The following TNR variants were observed in gnomAD, a reference collection of about 807,000 sequenced individuals.
TNR encodes tenascin R.
TNR carries 45 observed loss-of-function variants against 150.4 expected under a neutral mutation model. The observed-to-expected ratio is 0.30, with a 90% CI of 0.24 to 0.38. TNR has a LOEUF of 0.38. Ranked by LOEUF, TNR falls within the 10% of genes least tolerant of loss-of-function variation. The pLI, the probability that TNR is intolerant of heterozygous loss-of-function variation, is 1.00. For missense variants in TNR, 1,544 were observed against 1,759.1 expected, an observed-to-expected ratio of 0.88 and a Z score of 2.19; for synonymous variants, 687 against 678.4, an observed-to-expected ratio of 1.01 and a Z score of -0.20.
Position 175,379,657 on chromosome 1 carries a change from C to T in TNR, c.1858G>A (p.Glu620Lys), listed in dbSNP as rs776316702. 4.8e-5 allele frequency: 77 copies of T among 1,614,072 alleles called. No individual in the cohort carries two copies. The highest frequency in any genetic ancestry group is 1.6e-4 in the South Asian group (15 of 91,078). The change falls in exon 9 of 23, where the codon GAA becomes AAA. Residue 620 changes from glutamate (E) to lysine (K), a missense_variant. This residue lies in a region of TNR where 1,254 missense variants were observed against 1,329.4 expected (regional missense o/e 0.94). Coordinates refer to ENST00000367674, the MANE Select transcript of TNR (RefSeq NM_003285.3). Reference sequence around the variant, plus strand: ...TACACAACCTTGTACTCCTGAACTTCGGCTTCACTGTTATCCCACTCGAGG... The same window carrying T: ...TACACAACCTTGTACTCCTGAACTTTGGCTTCACTGTTATCCCACTCGAGG... ...LDLEWDNSEA[E>K]VQEYKVVYST...
chr1:175,382,682 A>T (rs1477372496), intron 8 of TNR, among the ~76,000 whole-genome samples: 1 of 152,178 alleles, frequency 6.6e-6, no homozygotes, highest in African/African-American at 2.4e-5. Context: ...CGGGCAGATC[A>T]TGAGGTCAGG....
At chr1:175,652,636 C>G (rs1384438720) in intron 1 of TNR, among the ~76,000 whole-genome samples, 1 of 152,108 alleles carries the variant, frequency 6.6e-6, no homozygotes, top group African/African-American at 2.4e-5. Flanking sequence ...GTGTATGGCA[C>G]TTCCCCGTTA....
rs191303179 is a variant in TNR, at chr1:175,711,231, G to T, written c.-165+31995C>A. ...ACTGGGAGTGCTGGGGGTGTGATTTGCTGTAAGTTCACCAGGGCAGGCTTC... is the reference window on the plus strand; with the variant it reads ...ACTGGGAGTGCTGGGGGTGTGATTTTCTGTAAGTTCACCAGGGCAGGCTTC... On this transcript the variant is annotated intron_variant, in intron 1 of 22. Coordinates refer to ENST00000367674, the MANE Select transcript of TNR (RefSeq NM_003285.3). 6.6e-5 allele frequency among the ~76,000 whole-genome samples: 10 copies of T among 152,282 alleles called. No individual in the cohort carries two copies. The East Asian group carries it at 1.9e-3, about 29-fold the overall frequency.
chr1:175,485,055 T>C (rs1657953342), intron 2 of TNR, among the ~76,000 whole-genome samples: 2 of 152,206 alleles, frequency 1.3e-5, no homozygotes, highest in South Asian at 4.1e-4. Flanking sequence ...CATTAAGAGA[T>C]TTTATTCAGC....
chr1:175,669,269 T>A (rs1208936174), intron 1 of TNR, among the ~76,000 whole-genome samples: 3 of 152,210 alleles, frequency 2.0e-5, no homozygotes, highest in African/African-American at 7.2e-5. Flanking sequence ...TTCTCTGCAA[T>A]CTAGAGTAGA....
chr1:175,339,729 C>T (rs1314650005), intron 18 of TNR, among the ~76,000 whole-genome samples: 2 of 152,168 alleles, frequency 1.3e-5, no homozygotes, highest in African/African-American at 4.8e-5. Flanking sequence ...ATGCAATAAA[C>T]TCAGCTTCTT....
chr1:175,596,015 C>T (rs1450594743), intron 1 of TNR, among the ~76,000 whole-genome samples: 1 of 152,098 alleles, frequency 6.6e-6, no homozygotes, highest in Non-Finnish European at 1.5e-5. Flanking sequence ...TTCTGTTATT[C>T]TAAGACTCTA....
intron 1 of TNR, among the ~76,000 whole-genome samples, chr1:175,719,157 T>A (rs1014600492): frequency 6.6e-6 from 1 of 151,846 alleles, no homozygotes; most frequent in Non-Finnish European, 1.5e-5. Flanking sequence ...GAAGCATGGG[T>A]GAGAAAAGGC....
intron 1 of TNR, among the ~76,000 whole-genome samples, chr1:175,626,721 G>A (rs1558043734): frequency 6.6e-6 from 1 of 152,152 alleles, no homozygotes; most frequent in Non-Finnish European, 1.5e-5. Context: ...ATTCAATGCT[G>A]GGCCCCAGAA....
chr1:175,396,295 A>AAAG (rs1653421486), intron 5 of TNR, among the ~76,000 whole-genome samples: 1 of 152,200 alleles, frequency 6.6e-6, no homozygotes. Context: ...CTCCATAATT[A>AAAG]AAGTACTTTT....
intron 2 of TNR, among the ~76,000 whole-genome samples, chr1:175,505,497 G>A (rs1658926015): frequency 1.3e-5 from 2 of 152,342 alleles, no homozygotes; most frequent in East Asian, 3.9e-4. Context: ...TATGGAGGAG[G>A]CCAGAGACGT....
chr1:175,624,962 C>T (rs996240920), intron 1 of TNR, among the ~76,000 whole-genome samples: 1 of 152,196 alleles, frequency 6.6e-6, no homozygotes, highest in African/African-American at 2.4e-5. Flanking sequence ...TCCCACTTGC[C>T]CGGTTTTCTG....
intron 2 of TNR, among the ~76,000 whole-genome samples, chr1:175,430,207 T>G (rs1367125660): frequency 6.6e-6 from 1 of 151,960 alleles, no homozygotes; most frequent in Non-Finnish European, 1.5e-5. Flanking sequence ...ACCAACAAAT[T>G]CTCAGCCAGC....
chr1:175,446,986 A>G lies in TNR; in HGVS notation c.-63-40209T>C, dbSNP rs909564825. 5.9e-5 allele frequency among the ~76,000 whole-genome samples: 9 copies of G among 152,248 alleles called. No individual in the cohort carries two copies. The Middle Eastern group carries it at 0.01, about 173-fold the overall frequency. ...TACGTGTGTATGTGTAATCATGTGT[A>G]TGGGCATATGTGTTATGTTTACATA... On this transcript the variant is annotated intron_variant, in intron 2 of 22. Coordinates refer to ENST00000367674, the MANE Select transcript of TNR (RefSeq NM_003285.3).
intron 2 of TNR, among the ~76,000 whole-genome samples, chr1:175,430,013 A>T (rs1655190934): frequency 6.6e-6 from 1 of 151,252 alleles, no homozygotes; most frequent in Non-Finnish European, 1.5e-5. Flanking sequence ...TATGTGAGAT[A>T]CAGCCTATTT....
intron 18 of TNR, among the ~76,000 whole-genome samples, chr1:175,341,228 A>G (rs775614114): frequency 4.0e-4 from 61 of 152,166 alleles, no homozygotes; most frequent in Non-Finnish European, 7.2e-4. Context: ...TGACCCCAAC[A>G]TATATCAGCT....
intron 2 of TNR, among the ~76,000 whole-genome samples, chr1:175,478,780 C>A (rs183368575): frequency 6.6e-6 from 1 of 152,152 alleles, no homozygotes; most frequent in African/African-American, 2.4e-5. Context: ...TGTGGTAAGA[C>A]CTGCTCTTGT....
chr1:175,397,832 T>C (rs1261863119), intron 4 of TNR, among the ~76,000 whole-genome samples: 4 of 152,160 alleles, frequency 2.6e-5, no homozygotes, highest in Admixed American at 6.5e-5. Flanking sequence ...TCTTGGAAAA[T>C]GAAGATTCAC....
intron 9 of TNR, among the ~76,000 whole-genome samples, chr1:175,379,061 C>A (rs780412475): frequency 6.6e-5 from 10 of 151,962 alleles, no homozygotes; most frequent in Non-Finnish European, 1.2e-4. Context: ...TGCCTGTAAT[C>A]CTAGCTACTT....
Sources: allele counts gnomAD v4.1 joint callset (sites outside exome capture counted in the v4.1 genomes callset), GRCh38; gene constraint gnomAD v4.1.1; regional missense constraint gnomAD v4.1.1; transcripts MANE v1.5; gene names NCBI Gene and HGNC (gene_info 2026-07-23, HGNC 2026-07-21).